Variants in PLCL1 observed in about 807,000 individuals in gnomAD.
PLCL1 encodes the protein phospholipase C like 1 (inactive).
In PLCL1, 41 loss-of-function variants were observed where a neutral mutation model predicts 84.4. The ratio of observed to expected loss-of-function variants is 0.49; its 90% CI spans 0.38 to 0.63. PLCL1 has a LOEUF of 0.63. PLCL1 is among the 30% of genes least tolerant of loss of function. The probability of loss-of-function intolerance (pLI) is 0.00; values close to 1 mark genes in which losing one functional copy is unlikely to be tolerated. For synonymous variants in PLCL1, 490 were observed against 488.3 expected (o/e 1.00, Z -0.05); for missense variants, 1,206 against 1,367.8 (o/e 0.88, Z 1.87).
At position 198,043,881 on chromosome 2, in the gene PLCL1, C is replaced by CTTTTTTT. The variant is rs397800019; in HGVS notation, c.241-39865_241-39859dup. ...TACAAGTAGAGATTTAATTCTTGTT[C>CTTTTTTT]TTTTTTTTTTTTTTTTTTAAATGAG... On this transcript the variant is annotated intron_variant, in intron 1 of 5. Transcript: ENST00000428675. 1.3e-3 allele frequency among the ~76,000 whole-genome samples: 162 copies of CTTTTTTT among 124,840 alleles called. 3 individuals carry two copies. Among genetic ancestry groups the CTTTTTTT allele is most frequent in the Middle Eastern group, 5.1e-3 (1 of 198 alleles). The allele number at this position is 124,840 out of a possible 152,430, so 81.9% of individuals were successfully genotyped here. A position where few individuals can be genotyped will look rare whatever the true frequency, so the allele number is the denominator to read the frequency against.
intron 1 of PLCL1, among the ~76,000 whole-genome samples, chr2:197,807,429 G>T (rs1042659269): frequency 6.2e-5 from 1 of 16,036 alleles, no homozygotes; most frequent in African/African-American, 1.1e-3. Flanking sequence ...GTAGGTCTTT[G>T]GTGGGCAGCA....
At chr2:197,887,562 C>T (rs2060489) in intron 1 of PLCL1, among the ~76,000 whole-genome samples, 67,123 of 151,782 alleles carry the variant, frequency 0.44, 15,153 homozygotes, top group Middle Eastern at 0.57. Flanking sequence ...ATGGTCAATT[C>T]GGTATATGAA....
At chr2:198,114,922 A>C (rs1693706920) in intron 5 of PLCL1, among the ~76,000 whole-genome samples, 1 of 151,862 alleles carries the variant, frequency 6.6e-6, no homozygotes, top group African/African-American at 2.4e-5. Flanking sequence ...TGTTCAAAAG[A>C]ATTATCACAA....
chr2:197,913,810 G>A (rs1293361955), intron 1 of PLCL1, among the ~76,000 whole-genome samples: 2 of 152,112 alleles, frequency 1.3e-5, no homozygotes, highest in Admixed American at 1.3e-4. Context: ...TTAGGGTTCA[G>A]CCTTGGACCC....
chr2:198,065,178 C>A (rs1194290081), intron 1 of PLCL1, among the ~76,000 whole-genome samples: 1 of 152,074 alleles, frequency 6.6e-6, no homozygotes, highest in African/African-American at 2.4e-5. Flanking sequence ...CTAAGTTTTT[C>A]ATTTTCTTTG....
chr2:197,952,788 T>C (rs1689412554), intron 1 of PLCL1, among the ~76,000 whole-genome samples: 1 of 152,116 alleles, frequency 6.6e-6, no homozygotes, highest in Non-Finnish European at 1.5e-5. Flanking sequence ...TGAGATCTGA[T>C]GGTTTTGTAA....
At chr2:198,041,100 CTCATATAGA>C (rs1691651448) in intron 1 of PLCL1, among the ~76,000 whole-genome samples, 1 of 152,138 alleles carries the variant, frequency 6.6e-6, no homozygotes. Flanking sequence ...TCTCTTAATC[CTCATATAGA>C]TCAGCATCTC....
chr2:198,006,370 T>G lies in PLCL1; in HGVS notation c.241-77388T>G, dbSNP rs191214783. On this transcript the variant is annotated intron_variant, in intron 1 of 5. Coordinates refer to ENST00000428675, the MANE Select transcript of PLCL1 (RefSeq NM_006226.4). ...GTACAATAGGGTAGGGTTGCTAGATTTGGTAAATGGAAATACAAGGCATCA... is the reference window on the plus strand; with the variant it reads ...GTACAATAGGGTAGGGTTGCTAGATGTGGTAAATGGAAATACAAGGCATCA... 3.3e-5 allele frequency among the ~76,000 whole-genome samples: 5 copies of G among 152,252 alleles called. No homozygotes were observed. In the East Asian group the frequency reaches 9.7e-4, roughly 29 times the overall value.
At chr2:197,828,600 T>A (rs1690983908) in intron 1 of PLCL1, among the ~76,000 whole-genome samples, 1 of 152,178 alleles carries the variant, frequency 6.6e-6, no homozygotes, top group Admixed American at 6.5e-5. Flanking sequence ...AACTTATACC[T>A]TTGCAATGTC....
chr2:198,134,669 C>G (rs545005197), intron 5 of PLCL1, among the ~76,000 whole-genome samples: 1 of 152,106 alleles, frequency 6.6e-6, no homozygotes, highest in African/African-American at 2.4e-5. Flanking sequence ...GAATAAATGT[C>G]CTTGGTAAAA....
intron 1 of PLCL1, among the ~76,000 whole-genome samples, chr2:198,077,851 C>T (rs1692617986): frequency 2.0e-5 from 3 of 152,172 alleles, no homozygotes; most frequent in South Asian, 4.1e-4. Flanking sequence ...CCACTCACTT[C>T]TCACTCAAAC....
intron 3 of PLCL1, among the ~76,000 whole-genome samples, chr2:198,100,596 T>G (rs1038461180): frequency 1.3e-5 from 2 of 151,968 alleles, no homozygotes; most frequent in East Asian, 1.9e-4. Flanking sequence ...GTTAGAAAAA[T>G]TTTACTTCAT....
At chr2:197,964,843 C>T (rs1380519721) in intron 1 of PLCL1, among the ~76,000 whole-genome samples, 2 of 152,074 alleles carry the variant, frequency 1.3e-5, no homozygotes, top group Non-Finnish European at 2.9e-5. Context: ...TTGAAATAAT[C>T]ATATGTTTTT....
intron 1 of PLCL1, among the ~76,000 whole-genome samples, chr2:197,884,635 C>T (rs1209491147): frequency 6.6e-6 from 1 of 152,180 alleles, no homozygotes; most frequent in Non-Finnish European, 1.5e-5. Context: ...ATAGATAGCT[C>T]ACTCTGAAAA....
intron 1 of PLCL1, among the ~76,000 whole-genome samples, chr2:197,882,628 C>A (rs751490453): frequency 5.9e-5 from 9 of 151,576 alleles, no homozygotes; most frequent in Non-Finnish European, 1.0e-4. Context: ...GTATTACTCC[C>A]AAATGTATAG....
intron 1 of PLCL1, among the ~76,000 whole-genome samples, chr2:197,953,247 C>T (rs1689422677): frequency 6.6e-6 from 1 of 152,042 alleles, no homozygotes; most frequent in African/African-American, 2.4e-5. Context: ...GTTTGGTTTT[C>T]CGTACCATTC....
intron 1 of PLCL1, among the ~76,000 whole-genome samples, chr2:197,867,997 AT>A (rs563805626): frequency 4.6e-5 from 7 of 152,222 alleles, no homozygotes; most frequent in Non-Finnish European, 8.8e-5. Flanking sequence ...CATGACAATG[AT>A]TGATCCTGTA....
chr2:197,939,999 G>A (rs1689127603), intron 1 of PLCL1, among the ~76,000 whole-genome samples: 1 of 152,174 alleles, frequency 6.6e-6, no homozygotes, highest in Non-Finnish European at 1.5e-5. Flanking sequence ...TTAGTTTACA[G>A]AGTCTCCCAG....
intron 1 of PLCL1, among the ~76,000 whole-genome samples, chr2:198,020,556 T>A (rs1691107953): frequency 5.3e-5 from 7 of 131,784 alleles, no homozygotes; most frequent in East Asian, 2.2e-4. Context: ...ACCAAGCAAA[T>A]GGAAAGAAAA....
Sources: gnomAD v4.1 joint callset for allele counts (sites outside exome capture counted in the v4.1 genomes callset) on GRCh38, gnomAD v4.1.1 for gene constraint, MANE v1.5 for transcripts, NCBI Gene and HGNC (gene_info 2026-07-23, HGNC 2026-07-21) for gene names.